The following KAZN variants were observed in gnomAD, a reference collection of about 807,000 sequenced individuals.
KAZN encodes kazrin, periplakin interacting protein.
Under a neutral mutation model 87.4 loss-of-function variants are expected in KAZN, and 40 were observed. The ratio of observed to expected loss-of-function variants is 0.46; its 90% CI spans 0.36 to 0.60. The LOEUF is 0.60. Among genes scored for constraint, KAZN ranks in the 20% least tolerant of loss-of-function variants. The pLI, the probability that KAZN is intolerant of heterozygous loss-of-function variation, is 0.00. For synonymous variants in KAZN, 466 were observed against 458.3 expected (o/e 1.02, Z -0.22); for missense variants, 898 against 1,073.9 (o/e 0.84, Z 2.29).
At chr1:14,670,625 G>C (rs1639862951) in intron 1 of KAZN, among the ~76,000 whole-genome samples, 1 of 152,158 alleles carries the variant, frequency 6.6e-6, no homozygotes, top group Admixed American at 6.5e-5. Flanking sequence ...CTTTGAACAG[G>C]CCTTCCAAAT....
intron 2 of KAZN, among the ~76,000 whole-genome samples, chr1:14,484,936 C>A (rs904606608): frequency 1.3e-5 from 2 of 152,186 alleles, no homozygotes; most frequent in South Asian, 2.1e-4. Context: ...TCGGCCAAAG[C>A]AAATCACACG....
intron 1 of KAZN, among the ~76,000 whole-genome samples, chr1:13,983,835 G>A (rs1246095133): frequency 3.3e-5 from 5 of 152,140 alleles, no homozygotes; most frequent in Admixed American, 2.6e-4. Flanking sequence ...AGTTATACAT[G>A]TTTATTTTTG....
chr1:15,044,047 A>G lies in KAZN; in HGVS notation c.614A>G (p.Lys205Arg). ...GAGAAGGACCTGCTGGAGCGTGAGA[A>G]GTGGGAGCTGCGGCGCCAAGCCAAG... ...AKEKDLLERE[K>R]WELRRQAKEA... The change falls in exon 4 of 15, where the codon AAG becomes AGG. Residue 205 changes from lysine to arginine, a missense_variant. By Grantham distance (26) the Lys-to-Arg change is conservative. Transcript: ENST00000376030. 1.2e-6 allele frequency: 2 copies of G among 1,612,678 alleles called. No homozygotes were observed. The highest frequency in any genetic ancestry group is 1.7e-6 in the Non-Finnish European group (2 of 1,179,822).
chr1:14,608,913 A>G (rs1677590194), intron 1 of KAZN, among the ~76,000 whole-genome samples: 1 of 152,274 alleles, frequency 6.6e-6, no homozygotes, highest in African/African-American at 2.4e-5. Flanking sequence ...AACCTGGAAC[A>G]CAGTGGGATT....
chr1:14,960,100 G>A (rs776460227), intron 1 of KAZN, among the ~76,000 whole-genome samples: 4 of 152,198 alleles, frequency 2.6e-5, no homozygotes, highest in Non-Finnish European at 5.9e-5. Context: ...AGCTCCTCGA[G>A]GGTATGTGTT....
chr1:14,867,725 C>T (rs111703012), intron 1 of KAZN, among the ~76,000 whole-genome samples: 1,432 of 16,174 alleles, frequency 0.089, 33 homozygotes, highest in South Asian at 0.28. Context: ...TTTGAAGACA[C>T]CCCCCCCCCC....
chr1:14,527,277 G>A (rs111900867), intron 2 of KAZN, among the ~76,000 whole-genome samples: 4 of 152,284 alleles, frequency 2.6e-5, no homozygotes, highest in Admixed American at 1.3e-4. Context: ...TTAGCCGGGC[G>A]CTGTGGCTTA....
At chr1:14,403,166 A>G (rs545596083) in intron 2 of KAZN, among the ~76,000 whole-genome samples, 1 of 152,346 alleles carries the variant, frequency 6.6e-6, no homozygotes, top group South Asian at 2.1e-4. Context: ...TGACATTGCA[A>G]ATAAATAGAA....
In KAZN at chr1:15,055,037, A is replaced by T. The variant is rs742665; in HGVS notation, c.727-1054A>T. On this transcript the variant is annotated intron_variant, in intron 4 of 14. Coordinates refer to ENST00000376030, the MANE Select transcript of KAZN (RefSeq NM_201628.3). Reference sequence around the variant, plus strand: ...TAGTTCTGCAGAAGGTGCACATGGCACTTCTCTGGCAAAACCTTGTGACAG... The same window carrying T: ...TAGTTCTGCAGAAGGTGCACATGGCTCTTCTCTGGCAAAACCTTGTGACAG... Among the ~76,000 whole-genome samples the T allele has an allele frequency of 4.3e-3, 652 of 152,394 alleles. 3 individuals carry two copies. The highest frequency in any genetic ancestry group is 0.042 in the South Asian group (205 of 4,824).
chr1:14,180,718 G>T, intron 2 of KAZN: 1 of 682,372 alleles, frequency 1.5e-6, no homozygotes, highest in East Asian at 2.8e-5. Flanking sequence ...ATAACAGATT[G>T]GATATGTTGA....
intron 13 of KAZN, among the ~76,000 whole-genome samples, chr1:15,106,288 C>T (rs931679245): frequency 2.0e-5 from 3 of 152,096 alleles, no homozygotes; most frequent in Non-Finnish European, 2.9e-5. Context: ...CTCTACAAAA[C>T]AGAAAAACAA....
At position 15,034,894 on chromosome 1, in the gene KAZN, C is replaced by T; in HGVS notation, c.555+9C>T. 1 of 1,613,062 alleles carries T rather than the reference C, an allele frequency of 6.2e-7. No individual in the cohort carries two copies. The highest frequency in any genetic ancestry group is 8.5e-7 in the Non-Finnish European group (1 of 1,179,806). On this transcript the variant is annotated intron_variant, in intron 3 of 14. Coordinates refer to ENST00000376030, the MANE Select transcript of KAZN (RefSeq NM_201628.3). ...ATGAGCAGCACCGCAAGGTCAGCCG[C>T]CGCCCTGCCCTCCCCTCCCCTCCCG... is the stretch of plus-strand genomic sequence containing the variant.
intron 1 of KAZN, among the ~76,000 whole-genome samples, chr1:14,674,621 G>A (rs1279377971): frequency 6.6e-6 from 1 of 152,204 alleles, no homozygotes; most frequent in African/African-American, 2.4e-5. Flanking sequence ...CAAATGTCTT[G>A]ACCACTTGTC....
At chr1:14,092,001 A>G (rs1644006687) in intron 1 of KAZN, among the ~76,000 whole-genome samples, 1 of 151,642 alleles carries the variant, frequency 6.6e-6, no homozygotes, top group African/African-American at 2.4e-5. Flanking sequence ...TACTGTCATC[A>G]TCATTATCCT....
rs1572722383 is a variant in KAZN at position 14,883,356 on chromosome 1, A to G, written c.227-77328A>G. The stretch of plus-strand genomic sequence containing the variant: ...AGAGAGAGAGAGAAAGAAAGAAAGA[A>G]AAGAAAGAAAGAAAGAAAGAAAGAA... On this transcript the variant is annotated intron_variant, in intron 1 of 14. Coordinates refer to ENST00000376030, the MANE Select transcript of KAZN (RefSeq NM_201628.3). 7.6e-3 allele frequency among the ~76,000 whole-genome samples: 40 copies of G among 5,258 alleles called. 2 individuals are homozygous for G. The highest frequency in any genetic ancestry group is 0.069 in the East Asian group (4 of 58). 3.4% of individuals were successfully genotyped at this position (5,258 alleles called of 152,430 possible).
intron 8 of KAZN, among the ~76,000 whole-genome samples, chr1:15,087,907 T>C (rs1273242539): frequency 6.6e-6 from 1 of 152,222 alleles, no homozygotes; most frequent in Non-Finnish European, 1.5e-5. Context: ...TCCTGTGAGA[T>C]TAAGCGTTCC....
At chr1:13,949,221 C>T (rs1171767677) in intron 1 of KAZN, among the ~76,000 whole-genome samples, 2 of 152,176 alleles carry the variant, frequency 1.3e-5, no homozygotes, top group Non-Finnish European at 1.5e-5. Flanking sequence ...TTTTTATGTT[C>T]AGGGACCACA....
chr1:14,070,921 G>A (rs1235976516), intron 1 of KAZN, among the ~76,000 whole-genome samples: 1 of 152,172 alleles, frequency 6.6e-6, no homozygotes, highest in African/African-American at 2.4e-5. Context: ...GCAGAGAGTG[G>A]AAGGACAGAG....
At chr1:14,453,695 G>C (rs1667408561) in intron 2 of KAZN, among the ~76,000 whole-genome samples, 1 of 152,166 alleles carries the variant, frequency 6.6e-6, no homozygotes, top group African/African-American at 2.4e-5. Context: ...AATTAGCCAG[G>C]TGTGGTGGCA....
Sources: gnomAD v4.1 joint callset for allele counts (sites outside exome capture counted in the v4.1 genomes callset) on GRCh38, gnomAD v4.1.1 for gene constraint, MANE v1.5 for transcripts, NCBI Gene and HGNC (gene_info 2026-07-23, HGNC 2026-07-21) for gene names.